CACNG4: variants seen among roughly 807,000 people sequenced by gnomAD.
The protein encoded by CACNG4 is voltage-dependent calcium channel gamma-4 subunit.
A neutral mutation model predicts 22.9 loss-of-function variants in CACNG4; 8 were observed. That is an observed-to-expected ratio of 0.35 (90% confidence interval 0.21 to 0.63). CACNG4 has a LOEUF of 0.63. CACNG4 is among the 30% of genes least tolerant of loss of function. The pLI is 0.72. For missense variants in CACNG4, 357 were observed against 455.4 expected (o/e 0.78, Z 1.97); for synonymous variants, 188 against 191.9 (o/e 0.98, Z 0.17).
chr17:66,980,034 A>C (rs907140120), intron 1 of CACNG4, among the ~76,000 whole-genome samples: 1 of 152,148 alleles, frequency 6.6e-6, no homozygotes, highest in Non-Finnish European at 1.5e-5. Flanking sequence ...GATTACAGGC[A>C]TGAGCCACTG....
At chr17:67,015,815 CA>C (rs1356991176) in intron 1 of CACNG4, among the ~76,000 whole-genome samples, 5 of 151,858 alleles carry the variant, frequency 3.3e-5, no homozygotes, top group African/African-American at 4.8e-5. Context: ...TGAAGTAGCC[CA>C]AAAAAAGGTG....
intron 2 of CACNG4, among the ~76,000 whole-genome samples, chr17:67,023,015 G>A (rs899031964): frequency 1.3e-5 from 2 of 152,206 alleles, no homozygotes; most frequent in African/African-American, 4.8e-5. Flanking sequence ...CCGAAGTCAA[G>A]GTGTTGGGGG....
At chr17:66,973,960 C>T (rs572687123) in intron 1 of CACNG4, among the ~76,000 whole-genome samples, 134 of 152,302 alleles carry the variant, frequency 8.8e-4, no homozygotes, top group Middle Eastern at 3.4e-3. Context: ...AGACAAAGGA[C>T]TTTTTTTCTA....
chr17:66,980,861 C>T (rs1305822131), intron 1 of CACNG4, among the ~76,000 whole-genome samples: 1 of 152,064 alleles, frequency 6.6e-6, no homozygotes, highest in Non-Finnish European at 1.5e-5. Context: ...TCAGGCAATC[C>T]GCCTGCCTCA....
chr17:67,011,750 G>A (rs1033782451), intron 1 of CACNG4, among the ~76,000 whole-genome samples: 1 of 152,198 alleles, frequency 6.6e-6, no homozygotes, highest in African/African-American at 2.4e-5. Flanking sequence ...AGTGATGCAT[G>A]AGTGAACAGG....
intron 3 of CACNG4, among the ~76,000 whole-genome samples, chr17:67,029,473 T>C (rs2035587875): frequency 1.2e-5 from 1 of 81,594 alleles, no homozygotes; most frequent in Non-Finnish European, 2.1e-5. Flanking sequence ...CTACTAAAAA[T>C]ACAAAAAAAA....
intron 1 of CACNG4, among the ~76,000 whole-genome samples, chr17:67,017,025 G>A (rs1434781697): frequency 1.3e-5 from 2 of 152,092 alleles, no homozygotes; most frequent in African/African-American, 2.4e-5. Context: ...TTGAGTGAGG[G>A]GATTGGAATC....
At chr17:67,006,401 G>A (rs150419119) in intron 1 of CACNG4, among the ~76,000 whole-genome samples, 216 of 152,290 alleles carry the variant, frequency 1.4e-3, no homozygotes, top group Non-Finnish European at 2.5e-3. Flanking sequence ...CTTACAGGAC[G>A]GTTCTGGCTC....
intron 1 of CACNG4, among the ~76,000 whole-genome samples, chr17:66,977,958 G>C (rs73997303): frequency 6.6e-6 from 1 of 152,300 alleles, no homozygotes; most frequent in African/African-American, 2.4e-5. Flanking sequence ...GACGTTAGGG[G>C]CTCCTCCCGG....
At chr17:66,978,648 G>A (rs764395650) in intron 1 of CACNG4, among the ~76,000 whole-genome samples, 5 of 152,178 alleles carry the variant, frequency 3.3e-5, no homozygotes, top group Admixed American at 6.5e-5. Context: ...ACTCGCTTCC[G>A]GCCCTCAGCT....
intron 1 of CACNG4, among the ~76,000 whole-genome samples, chr17:67,014,943 CAAAAAAA>C (rs1163062678): frequency 4.2e-5 from 4 of 95,358 alleles, no homozygotes; most frequent in Admixed American, 1.2e-4. Flanking sequence ...TCTCCAAAAA[CAAAAAAA>C]AAAAAAAAAG....
At chr17:66,966,136 G>T (rs980118549) in intron 1 of CACNG4, among the ~76,000 whole-genome samples, 7 of 152,224 alleles carry the variant, frequency 4.6e-5, no homozygotes, top group African/African-American at 1.7e-4. Flanking sequence ...CTGGGGAGGG[G>T]CCTGGATGCC....
At chr17:66,973,885 C>T (rs1377513826) in intron 1 of CACNG4, among the ~76,000 whole-genome samples, 2 of 152,192 alleles carry the variant, frequency 1.3e-5, no homozygotes, top group African/African-American at 2.4e-5. Flanking sequence ...TCTGTATCCC[C>T]ATGAGACTCC....
intron 1 of CACNG4, among the ~76,000 whole-genome samples, chr17:66,970,346 C>T (rs2035196330): frequency 1.3e-5 from 2 of 152,152 alleles, no homozygotes; most frequent in South Asian, 4.1e-4. Context: ...ATATGATAGA[C>T]TGGGTGGTTT....
rs58727233 is a variant in CACNG4 at position 67,002,618 on chromosome 17, T to TTCTCTCTCTCTCTCTCTCTCTCTCTC, written c.221-15568_221-15543dup. Among the ~76,000 whole-genome samples the TTCTCTCTCTCTCTCTCTCTCTCTCTC allele has an allele frequency of 3.4e-5, 5 of 145,534 alleles. No individual in the cohort carries two copies. In the East Asian group the frequency reaches 8.3e-4, roughly 24 times the overall value. On this transcript the variant is annotated intron_variant, in intron 1 of 3. Coordinates refer to ENST00000262138, the MANE Select transcript of CACNG4 (RefSeq NM_014405.4). ...CTCTCTCCACCTCTCATCTCTCTCT[T>TTCTCTCTCTCTCTCTCTCTCTCTCTC]TCTCTCTCTCTCTCTCTCTCTCTCT...
At chr17:66,976,112 T>C (rs1441693519) in intron 1 of CACNG4, among the ~76,000 whole-genome samples, 1 of 152,072 alleles carries the variant, frequency 6.6e-6, no homozygotes, top group Non-Finnish European at 1.5e-5. Context: ...CCGCGTCAGG[T>C]GACCTCCCAG....
chr17:66,978,335 T>C (rs1033404840), intron 1 of CACNG4, among the ~76,000 whole-genome samples: 1 of 152,200 alleles, frequency 6.6e-6, no homozygotes, highest in Non-Finnish European at 1.5e-5. Flanking sequence ...ATGTGTTCAA[T>C]GCATGTAGTT....
intron 2 of CACNG4, among the ~76,000 whole-genome samples, chr17:67,022,353 C>G (rs1432186549): frequency 6.6e-6 from 1 of 152,116 alleles, no homozygotes; most frequent in Non-Finnish European, 1.5e-5. Context: ...GGATGGACTT[C>G]CTTCTTTCGG....
intron 1 of CACNG4, among the ~76,000 whole-genome samples, chr17:66,988,248 C>G (rs2035316404): frequency 6.6e-6 from 1 of 152,008 alleles, no homozygotes; most frequent in South Asian, 2.1e-4. Flanking sequence ...GCGGGAAGAC[C>G]CAGGCTGGAG....
Sources: allele counts gnomAD v4.1 joint callset (sites outside exome capture counted in the v4.1 genomes callset), GRCh38; gene constraint gnomAD v4.1.1; transcripts MANE v1.5; gene names NCBI Gene and HGNC (gene_info 2026-07-23, HGNC 2026-07-21).